The following UGT1A8 variants were observed in gnomAD, a reference collection of about 807,000 sequenced individuals.
The protein encoded by UGT1A8 is UDP-glucuronosyltransferase 1A8.
UGT1A8 carries 39 observed loss-of-function variants against 45.3 expected under a neutral mutation model. The observed-to-expected ratio is 0.86, with a 90% confidence interval of 0.67 to 1.12. UGT1A8 has a LOEUF of 1.12. UGT1A8 is among the 50% of genes most tolerant of loss of function. The pLI is 0.00. For missense variants in UGT1A8, 719 were observed against 664.9 expected (o/e 1.08, Z -0.90); for synonymous variants, 275 against 249.2 (o/e 1.10, Z -0.97).
At chr2:233,687,166 T>C (rs971677741) in intron 1 of UGT1A8, among the ~76,000 whole-genome samples, 37 of 152,342 alleles carry the variant, frequency 2.4e-4, no homozygotes, top group Middle Eastern at 3.4e-3. Context: ...ATGACTGGCA[T>C]GTGGATATGA....
chr2:233,724,364 G>T (rs1172748596), intron 1 of UGT1A8, among the ~76,000 whole-genome samples: 6 of 145,700 alleles, frequency 4.1e-5, no homozygotes, highest in South Asian at 4.7e-4. Context: ...CCTCCCGGAC[G>T]GGGTGGCTGC....
At chr2:233,758,796 A>T (rs1025400084) in intron 1 of UGT1A8, among the ~76,000 whole-genome samples, 2 of 152,214 alleles carry the variant, frequency 1.3e-5, no homozygotes, top group African/African-American at 4.8e-5. Flanking sequence ...GTTATCTTGG[A>T]ATTGTATAGT....
At chr2:233,718,979 C>G (rs143900667) in intron 1 of UGT1A8, 274 of 1,614,174 alleles carry the variant, frequency 1.7e-4, no homozygotes, top group East Asian at 1.0e-3. Flanking sequence ...AGCTCCATGC[C>G]AGAGGCCACC....
At chr2:233,673,626 A>G (rs750330862) in intron 1 of UGT1A8, among the ~76,000 whole-genome samples, 7 of 152,196 alleles carry the variant, frequency 4.6e-5, no homozygotes, top group Non-Finnish European at 8.8e-5. Flanking sequence ...TTTTATATAC[A>G]TAAATAAAAT....
At chr2:233,697,124 A>AT (rs2075377179) in intron 1 of UGT1A8, among the ~76,000 whole-genome samples, 1 of 151,786 alleles carries the variant, frequency 6.6e-6, no homozygotes, top group Non-Finnish European at 1.5e-5. Context: ...TCTCCTCTTC[A>AT]TTTTTCTGTA....
Position 233,617,839 on chromosome 2 carries a change from G to A in UGT1A8, c.132G>A (p.Val44=). 1 of 1,614,096 alleles carries A rather than the reference G, an allele frequency of 6.2e-7. No homozygotes were observed. The highest frequency in any genetic ancestry group is 2.2e-5 in the East Asian group (1 of 44,862). Residue 44 remains valine, a synonymous_variant, in exon 1 of 5, where the codon GTG becomes GTA. Transcript: ENST00000373450. ...DGSHWFTMQS[V]VEKLILRGHE... is the part of the protein sequence containing the mutation. ...GTCACTGGTTCACCATGCAGTCGGTGGTGGAGAAACTTATCCTCAGGGGGC... is the reference window on the plus strand; with the variant it reads ...GTCACTGGTTCACCATGCAGTCGGTAGTGGAGAAACTTATCCTCAGGGGGC...
chr2:233,747,486 C>T, intron 1 of UGT1A8: 1 of 1,608,834 alleles, frequency 6.2e-7, no homozygotes, highest in Non-Finnish European at 8.5e-7. Flanking sequence ...ATTTGATCGC[C>T]TTGTGCTGGG....
intron 1 of UGT1A8, among the ~76,000 whole-genome samples, chr2:233,685,603 T>G (rs2074745747): frequency 1.3e-5 from 2 of 152,212 alleles, no homozygotes; most frequent in South Asian, 4.1e-4. Flanking sequence ...CCTCCAAGAT[T>G]ATTTATTTCA....
chr2:233,719,706 A>G (rs1314284418), intron 1 of UGT1A8: 4 of 1,614,008 alleles, frequency 2.5e-6, no homozygotes, highest in Non-Finnish European at 3.4e-6. Flanking sequence ...TGGTGCCTTC[A>G]TCCAATCAAT....
chr2:233,662,176 T>C (rs747328757), intron 1 of UGT1A8, among the ~76,000 whole-genome samples: 6 of 152,236 alleles, frequency 3.9e-5, no homozygotes, highest in African/African-American at 7.2e-5. Context: ...CTGTAAGTGT[T>C]TGTGTGCATA....
intron 1 of UGT1A8, among the ~76,000 whole-genome samples, chr2:233,639,436 T>A (rs1042118901): frequency 6.6e-6 from 1 of 152,220 alleles, no homozygotes; most frequent in Non-Finnish European, 1.5e-5. Flanking sequence ...AAAAGAACGA[T>A]GAACACTGCA....
intron 4 of UGT1A8, 78 bp from the exon 5 acceptor site, chr2:233,772,184 T>C (rs1700476163): frequency 6.3e-7 from 1 of 1,591,636 alleles, no homozygotes; most frequent in East Asian, 2.3e-5. Context: ...GTAGTCTTCT[T>C]AAGCAGCCAT....
intron 1 of UGT1A8, among the ~76,000 whole-genome samples, chr2:233,687,932 T>C (rs1013088833): frequency 6.6e-6 from 1 of 152,206 alleles, no homozygotes; most frequent in African/African-American, 2.4e-5. Context: ...AATAAATACA[T>C]GAATAAATAA....
At chr2:233,634,668 C>CAGCAAATGATACTCGTGTGT (rs1559316927) in intron 1 of UGT1A8, among the ~76,000 whole-genome samples, 14 of 151,474 alleles carry the variant, frequency 9.2e-5, no homozygotes, top group South Asian at 8.4e-4. Flanking sequence ...AAATATTCCT[C>CAGCAAATGATACTCGTGTGT]TATCCCTTTA....
At chr2:233,695,882 T>G (rs1280784991) in intron 1 of UGT1A8, among the ~76,000 whole-genome samples, 1 of 152,182 alleles carries the variant, frequency 6.6e-6, no homozygotes, top group Non-Finnish European at 1.5e-5. Flanking sequence ...GCAGAAAACT[T>G]CAGTGAACAA....
At chr2:233,640,186 A>T (rs895399445) in intron 1 of UGT1A8, among the ~76,000 whole-genome samples, 1 of 152,316 alleles carries the variant, frequency 6.6e-6, no homozygotes, top group African/African-American at 2.4e-5. Flanking sequence ...TACTTCAAGT[A>T]TTTATTTTCA....
intron 1 of UGT1A8, among the ~76,000 whole-genome samples, chr2:233,696,402 G>A (rs1269862179): frequency 6.6e-6 from 1 of 152,092 alleles, no homozygotes; most frequent in Non-Finnish European, 1.5e-5. Flanking sequence ...TTTTGTAAAT[G>A]GGGTTGATTT....
rs930932436 is a variant in UGT1A8 at position 233,769,919 on chromosome 2, G to A, written c.1295+1480G>A. The A allele has an allele frequency of 1.0e-5, 3 of 286,172 alleles. No individual in the cohort carries two copies. Among genetic ancestry groups the A allele is most frequent in the Non-Finnish European group, 1.3e-5 (2 of 153,080 alleles). 17.7% of individuals were successfully genotyped at this position (286,172 alleles called of 1,614,324 possible). A position where few individuals can be genotyped will look rare whatever the true frequency, so the allele number is the denominator to read the frequency against. Reference sequence around the variant, plus strand: ...GAGCATCATGTGCCCAGAGCGTTGGGTGGTGTGGTCCCATTCCTTCCTTCC... The same window carrying A: ...GAGCATCATGTGCCCAGAGCGTTGGATGGTGTGGTCCCATTCCTTCCTTCC... On this transcript the variant is annotated intron_variant, in intron 4 of 4. Coordinates refer to ENST00000373450, the MANE Select transcript of UGT1A8 (RefSeq NM_019076.5). This position sits in a 1 kb window ranked among gnomAD's most constrained non-coding sequence, Gnocchi z 4.4.
chr2:233,668,518 G>A (rs749078423), intron 1 of UGT1A8, among the ~76,000 whole-genome samples: 4 of 152,124 alleles, frequency 2.6e-5, no homozygotes, highest in Admixed American at 6.5e-5. Flanking sequence ...ATAAACATAC[G>A]TGTGCATGTG....
Sources: allele counts gnomAD v4.1 joint callset (sites outside exome capture counted in the v4.1 genomes callset), GRCh38; gene constraint gnomAD v4.1.1; non-coding constraint Gnocchi (gnomAD v3.1); transcripts MANE v1.5; gene names NCBI Gene and HGNC (gene_info 2026-07-23, HGNC 2026-07-21).